MEIS1: variants seen among roughly 807,000 people sequenced by gnomAD.
The protein encoded by MEIS1 is homeobox protein Meis1.
A neutral mutation model predicts 50.8 loss-of-function variants in MEIS1; 5 were observed. That is an observed-to-expected ratio of 0.10 (90% CI 0.05 to 0.21). The LOEUF (loss-of-function observed/expected upper bound fraction) is 0.21, where lower values mean the gene tolerates loss of function less well. MEIS1 is among the 10% of genes least tolerant of loss of function. The pLI is 1.00. For synonymous variants in MEIS1, 176 were observed against 179.3 expected, an observed-to-expected ratio of 0.98 and a Z score of 0.15; for missense variants, 318 against 517.3, an observed-to-expected ratio of 0.61 and a Z score of 3.74.
chr2:66,545,348 CAT>C (rs1321956246), intron 8 of MEIS1, among the ~76,000 whole-genome samples: 1 of 152,146 alleles, frequency 6.6e-6, no homozygotes, highest in Non-Finnish European at 1.5e-5. Context: ...TTATATGACA[CAT>C]AGTGCCAGTG....
chr2:66,566,074 C>A (rs1359355868), intron 9 of MEIS1, among the ~76,000 whole-genome samples: 1 of 152,058 alleles, frequency 6.6e-6, no homozygotes, highest in South Asian at 2.1e-4. Context: ...TTGTTGTAGA[C>A]CTGTGTTTTA....
At chr2:66,459,700 G>T (rs1044721052) in intron 6 of MEIS1, among the ~76,000 whole-genome samples, 1 of 152,132 alleles carries the variant, frequency 6.6e-6, no homozygotes, top group African/African-American at 2.4e-5. Flanking sequence ...GAGAGAGAGA[G>T]ATAGAGAGAG....
intron 6 of MEIS1, among the ~76,000 whole-genome samples, chr2:66,447,527 A>G (rs1028677152): frequency 3.1e-4 from 47 of 152,302 alleles, no homozygotes; most frequent in Non-Finnish European, 2.9e-5. Context: ...TACACTGGCT[A>G]ATTGGGATGT....
At chr2:66,564,758 A>G (rs1238350447) in intron 9 of MEIS1, among the ~76,000 whole-genome samples, 1 of 151,596 alleles carries the variant, frequency 6.6e-6, no homozygotes, top group Non-Finnish European at 1.5e-5. Context: ...GTTCTAGGGT[A>G]CATGTGCACA....
At chr2:66,442,496 T>C (rs1672019313) in intron 5 of MEIS1, among the ~76,000 whole-genome samples, 1 of 152,178 alleles carries the variant, frequency 6.6e-6, no homozygotes, top group Non-Finnish European at 1.5e-5. Context: ...TTGGAGAATA[T>C]ATATGTGCAT....
chr2:66,456,660 C>T (rs73937914), intron 6 of MEIS1, among the ~76,000 whole-genome samples: 3,151 of 152,310 alleles, frequency 0.021, 113 homozygotes, highest in African/African-American at 0.072. Context: ...AGAACCCTGG[C>T]AGGGCTTACA....
At position 66,483,262 on chromosome 2, in the gene MEIS1, G is replaced by A. The variant is rs116784942; in HGVS notation, c.742+19042G>A. 7.6e-3 allele frequency among the ~76,000 whole-genome samples: 1,095 copies of A among 144,938 alleles called. 16 individuals carry two copies. The highest frequency in any genetic ancestry group is 0.026 in the African/African-American group (1,018 of 38,892). ...TTTTTTTTGTCTTTTTGTGGAGAAC[G>A]GGGTCTCGCTATATTGCCCAGGCAG... On this transcript the variant is annotated intron_variant, in intron 7 of 12. Coordinates refer to ENST00000272369, the MANE Select transcript of MEIS1 (RefSeq NM_002398.3).
intron 4 of MEIS1, chr2:66,441,128 T>G: frequency 2.4e-6 from 1 of 408,344 alleles, no homozygotes; most frequent in Non-Finnish European, 4.3e-6. Flanking sequence ...CCTTTTGGGG[T>G]GGGGTGGGGC....
At chr2:66,509,993 A>C (rs1466013673) in intron 7 of MEIS1, among the ~76,000 whole-genome samples, 3 of 152,176 alleles carry the variant, frequency 2.0e-5, no homozygotes, top group African/African-American at 7.2e-5. Flanking sequence ...AAAGGTGGAA[A>C]ATAATCATGG....
At chr2:66,494,178 G>T (rs1673340878) in intron 7 of MEIS1, among the ~76,000 whole-genome samples, 2 of 152,172 alleles carry the variant, frequency 1.3e-5, no homozygotes, top group South Asian at 4.1e-4. Flanking sequence ...TCAATCAGTT[G>T]AATCAACAAA....
intron 7 of MEIS1, among the ~76,000 whole-genome samples, chr2:66,467,959 A>G (rs1672679789): frequency 6.6e-6 from 1 of 152,216 alleles, no homozygotes; most frequent in South Asian, 2.1e-4. Context: ...TTCCAAAGAT[A>G]CCAGATTGAA....
At chr2:66,535,549 C>T (rs946491194) in intron 8 of MEIS1, among the ~76,000 whole-genome samples, 3 of 152,278 alleles carry the variant, frequency 2.0e-5, no homozygotes, top group East Asian at 1.9e-4. Context: ...TGCCGGCATC[C>T]GCACCTCCCT....
chr2:66,441,119 CT>C, intron 4 of MEIS1: 1 of 414,580 alleles, frequency 2.4e-6, no homozygotes. Context: ...TGTTGTGGCC[CT>C]TTTGGGGTGG....
intron 7 of MEIS1, among the ~76,000 whole-genome samples, chr2:66,481,285 T>C (rs148333897): frequency 6.6e-6 from 1 of 152,360 alleles, no homozygotes; most frequent in African/African-American, 2.4e-5. Flanking sequence ...GAAAGACTTC[T>C]GTGTTTATCT....
At chr2:66,501,085 T>C (rs1187389348) in intron 7 of MEIS1, among the ~76,000 whole-genome samples, 1 of 152,194 alleles carries the variant, frequency 6.6e-6, no homozygotes, top group African/African-American at 2.4e-5. Flanking sequence ...TTTATGACCA[T>C]TCATTAATAG....
At chr2:66,445,814 C>T (rs535184163) in intron 6 of MEIS1, among the ~76,000 whole-genome samples, 6 of 152,222 alleles carry the variant, frequency 3.9e-5, no homozygotes, top group African/African-American at 1.4e-4. Context: ...TTTTCCTTTC[C>T]TTTCCTTTTT....
intron 7 of MEIS1, among the ~76,000 whole-genome samples, chr2:66,467,898 G>A (rs1366770126): frequency 2.6e-5 from 4 of 152,150 alleles, no homozygotes; most frequent in Admixed American, 2.6e-4. Flanking sequence ...GGATTCTGTT[G>A]CTGTTGCTAC....
intron 4 of MEIS1, chr2:66,440,890 T>G: frequency 4.2e-6 from 2 of 481,394 alleles, no homozygotes. Flanking sequence ...CGCGGGGATT[T>G]ATCTCCCGGC....
intron 7 of MEIS1, among the ~76,000 whole-genome samples, chr2:66,472,759 T>TTGGC (rs1039237214): frequency 2.0e-5 from 3 of 152,134 alleles, no homozygotes; most frequent in African/African-American, 7.2e-5. Context: ...TTAGGTGGAC[T>TTGGC]TGGCTCCAGA....
Sources: gnomAD v4.1 joint callset for allele counts (sites outside exome capture counted in the v4.1 genomes callset) on GRCh38, gnomAD v4.1.1 for gene constraint, MANE v1.5 for transcripts, NCBI Gene and HGNC (gene_info 2026-07-23, HGNC 2026-07-21) for gene names.